Variants in TUSC3 observed in about 807,000 individuals in gnomAD.
The protein encoded by TUSC3 is tumor suppressor candidate 3, also known as dolichyl-diphosphooligosaccharide--protein glycosyltransferase subunit TUSC3.
Under a neutral mutation model 44.8 loss-of-function variants are expected in TUSC3, and 45 were observed. The ratio of observed to expected loss-of-function variants is 1.00; its 90% CI spans 0.79 to 1.29. The LOEUF is 1.29. TUSC3 is among the 50% of genes most tolerant of loss of function. The pLI is 0.00. For missense variants in TUSC3, 519 were observed against 437.9 expected (o/e 1.19, Z -1.65); for synonymous variants, 212 against 152.9 (o/e 1.39, Z -2.85).
chr8:15,480,155 C>T (rs1412107025), intron 1 of TUSC3, among the ~76,000 whole-genome samples: 1 of 152,208 alleles, frequency 6.6e-6, no homozygotes, highest in African/African-American at 2.4e-5. Flanking sequence ...AGGAGAACTA[C>T]ACGCCACTGC....
At chr8:15,794,750 A>G in the TUSC3 span, among the ~76,000 whole-genome samples, 2 of 152,080 alleles carry the variant, frequency 1.3e-5, no homozygotes, top group Non-Finnish European at 2.9e-5. Flanking sequence ...TTTATAATTG[A>G]TAGTAAGCAC....
At chr8:15,507,179 A>G (rs890846758) in intron 2 of TUSC3, among the ~76,000 whole-genome samples, 9 of 152,192 alleles carry the variant, frequency 5.9e-5, no homozygotes, top group African/African-American at 9.6e-5. Flanking sequence ...AGTCCAAACT[A>G]TAGAGGAACT....
chr8:15,575,584 T>C (rs1446117082), intron 1 of TUSC3, among the ~76,000 whole-genome samples: 2 of 152,030 alleles, frequency 1.3e-5, no homozygotes, highest in African/African-American at 4.8e-5. Context: ...CTGGCCAACA[T>C]GGTGAAAACC....
At chr8:15,510,711 G>A (rs527610727) in intron 2 of TUSC3, among the ~76,000 whole-genome samples, 5 of 151,976 alleles carry the variant, frequency 3.3e-5, no homozygotes, top group Admixed American at 6.6e-5. Flanking sequence ...ATTTAAGAGC[G>A]GGGAATGCTT....
intron 6 of TUSC3, among the ~76,000 whole-genome samples, chr8:15,692,189 A>G (rs996559387): frequency 6.6e-6 from 1 of 152,114 alleles, no homozygotes; most frequent in Non-Finnish European, 1.5e-5. Context: ...ATCATGGTGG[A>G]TTAACTTTTT....
At chr8:15,785,057 T>C in the TUSC3 span, among the ~76,000 whole-genome samples, 1 of 152,076 alleles carries the variant, frequency 6.6e-6, no homozygotes, top group Non-Finnish European at 1.5e-5. Flanking sequence ...AATGCATTTT[T>C]TTAAAAGAAG....
the TUSC3 span, chr8:15,806,298 A>T: frequency 2.9e-6 from 2 of 687,652 alleles, no homozygotes; most frequent in African/African-American, 3.5e-5. Context: ...TGTGTACACC[A>T]CATGGACTAA....
chr8:15,614,130 A>G (rs1804885759), intron 1 of TUSC3, among the ~76,000 whole-genome samples: 1 of 151,886 alleles, frequency 6.6e-6, no homozygotes, highest in South Asian at 2.1e-4. Flanking sequence ...TAGTACCAAA[A>G]TTGTGTTTCT....
chr8:15,817,833 G>C, the TUSC3 span, among the ~76,000 whole-genome samples: 8 of 152,290 alleles, frequency 5.3e-5, no homozygotes, highest in South Asian at 1.5e-3. Flanking sequence ...CCCAAACTAT[G>C]TGTCACGATA....
chr8:15,440,020 TG>T (rs1484236523), intron 1 of TUSC3, among the ~76,000 whole-genome samples: 1 of 152,236 alleles, frequency 6.6e-6, no homozygotes, highest in Admixed American at 6.5e-5. Flanking sequence ...AAGGCAAACC[TG>T]GCCCCTACTC....
chr8:15,748,238 A>G lies in TUSC3; in HGVS notation c.938-137A>G, dbSNP rs796855391. 8 of 713,438 alleles carry G rather than the reference A, an allele frequency of 1.1e-5. No homozygotes were observed. In the African/African-American group the frequency reaches 1.4e-4, roughly 12 times the overall value. 44.2% of individuals were successfully genotyped at this position (713,438 alleles called of 1,614,324 possible). On this transcript the variant is annotated intron_variant, in intron 8 of 10. Coordinates refer to ENST00000503731, the MANE Select transcript of TUSC3 (RefSeq NM_006765.4). The stretch of plus-strand genomic sequence containing the variant: ...ACACATTGGATACCTGTATCCAAAT[A>G]CCTGTTTGTTGTACCTGTATGTACC...
chr8:15,616,042 G>T (rs914034228), intron 1 of TUSC3, among the ~76,000 whole-genome samples: 4 of 152,148 alleles, frequency 2.6e-5, no homozygotes, highest in South Asian at 2.1e-4. Context: ...CTGTGCTGCA[G>T]TCCAGGCTGG....
chr8:15,615,910 G>A (rs936954369), intron 1 of TUSC3, among the ~76,000 whole-genome samples: 1 of 152,152 alleles, frequency 6.6e-6, no homozygotes, highest in Non-Finnish European at 1.5e-5. Flanking sequence ...CCACAGTTCC[G>A]TGGCTTGAAC....
chr8:15,810,043 G>A, the TUSC3 span, among the ~76,000 whole-genome samples: 4 of 152,142 alleles, frequency 2.6e-5, no homozygotes, highest in African/African-American at 9.7e-5. Context: ...TAATGTCTGT[G>A]CTGCTGGTTC....
intron 1 of TUSC3, among the ~76,000 whole-genome samples, chr8:15,546,560 A>C (rs753866227): frequency 4.0e-5 from 6 of 151,636 alleles, no homozygotes; most frequent in Non-Finnish European, 7.4e-5. Context: ...TGGGAGACAG[A>C]GTTTTGCTCT....
intron 1 of TUSC3, among the ~76,000 whole-genome samples, chr8:15,459,857 T>C (rs1265867951): frequency 2.2e-5 from 3 of 138,338 alleles, no homozygotes; most frequent in African/African-American, 9.0e-5. Context: ...TGTGTGTGTA[T>C]GTGTGTGTGT....
At chr8:15,600,459 A>C (rs570121354) in intron 1 of TUSC3, among the ~76,000 whole-genome samples, 5 of 151,858 alleles carry the variant, frequency 3.3e-5, no homozygotes, top group East Asian at 3.9e-4. Flanking sequence ...AGTGATTCTT[A>C]GTTTATTTTG....
chr8:15,547,369 C>G (rs62503027), intron 1 of TUSC3, among the ~76,000 whole-genome samples: 34,057 of 151,168 alleles, frequency 0.23, 5,012 homozygotes, highest in Non-Finnish European at 0.3. Context: ...CAAACCATTG[C>G]CAAGTTAGTT....
At chr8:15,475,170 A>G (rs1037004119) in intron 1 of TUSC3, among the ~76,000 whole-genome samples, 1 of 152,176 alleles carries the variant, frequency 6.6e-6, no homozygotes, top group Non-Finnish European at 1.5e-5. Context: ...GTCTTAAACT[A>G]TCCTATTTAG....
Sources: gnomAD v4.1 joint callset for allele counts (sites outside exome capture counted in the v4.1 genomes callset) on GRCh38, gnomAD v4.1.1 for gene constraint, MANE v1.5 for transcripts, NCBI Gene and HGNC (gene_info 2026-07-23, HGNC 2026-07-21) for gene names.